TAF4: variants seen among roughly 807,000 people sequenced by gnomAD.
TAF4 encodes TATA-box binding protein associated factor 4, also known as transcription initiation factor TFIID subunit 4.
TAF4 carries 9 observed loss-of-function variants against 90.3 expected under a neutral mutation model. That is an observed-to-expected ratio of 0.10 (90% CI 0.06 to 0.17). The LOEUF is 0.17. TAF4 is among the 10% of genes least tolerant of loss of function. The pLI is 1.00. For missense variants in TAF4, 1,351 were observed against 1,370.7 expected (o/e 0.99, Z 0.23); for synonymous variants, 818 against 638.9 (o/e 1.28, Z -4.23).
intron 5 of TAF4, chr20:62,008,283 G>C (rs1411975683): frequency 6.6e-6 from 1 of 152,416 alleles, no homozygotes; most frequent in Non-Finnish European, 1.5e-5. Flanking sequence ...AGAGACTCCG[G>C]AAGACATGGT....
intron 14 of TAF4, among the ~76,000 whole-genome samples, chr20:61,985,357 T>C (rs561827418): frequency 6.6e-6 from 1 of 152,058 alleles, no homozygotes; most frequent in South Asian, 2.1e-4. Context: ...GGCAGGAGGA[T>C]TGCTGGAGTC....
intron 1 of TAF4, among the ~76,000 whole-genome samples, chr20:62,057,847 G>A (rs1465399624): frequency 1.5e-4 from 3 of 20,286 alleles, no homozygotes; most frequent in African/African-American, 6.1e-4. Context: ...CAGGAAGGAC[G>A]GACACAGGTC....
chr20:61,992,280 G>A (rs1032235565), intron 14 of TAF4, among the ~76,000 whole-genome samples: 3 of 152,158 alleles, frequency 2.0e-5, no homozygotes, highest in African/African-American at 7.2e-5. Flanking sequence ...AATACAAAAC[G>A]GGGCCAAGGG....
intron 14 of TAF4, among the ~76,000 whole-genome samples, chr20:61,991,292 A>G (rs962312335): frequency 6.6e-6 from 1 of 151,946 alleles, no homozygotes; most frequent in East Asian, 1.9e-4. Flanking sequence ...GTGGTGGTGC[A>G]CACCTGTAAT....
chr20:62,047,140 A>G (rs1293856007), intron 1 of TAF4, among the ~76,000 whole-genome samples: 1 of 152,202 alleles, frequency 6.6e-6, no homozygotes, highest in African/African-American at 2.4e-5. Context: ...CCACAGTCAT[A>G]AAGACCATCA....
chr20:61,995,801 T>C lies in TAF4; in HGVS notation c.3090+1749A>G, dbSNP rs2055659490. ...TGGCGTGAACCCGGGAAGCGGAGCT[T>C]GCAGTGAGCCGAGATTGCGCCACTG... On this transcript the variant is annotated intron_variant, in intron 14 of 14. Transcript: ENST00000252996. Among the ~76,000 whole-genome samples the C allele has an allele frequency of 1.2e-4, 2 of 16,576 alleles. 1 individual carries two copies. The highest frequency in any genetic ancestry group is 2.2e-4 in the Non-Finnish European group (2 of 9,100). 10.9% of individuals were successfully genotyped at this position (16,576 alleles called of 152,430 possible).
Position 62,064,969 on chromosome 20 carries a change from G to T in TAF4, c.842C>A (p.Ala281Asp). 2.5e-6 allele frequency: 1 copy of T among 398,736 alleles called. No individual in the cohort carries two copies. The highest frequency in any genetic ancestry group is 3.3e-6 in the Non-Finnish European group (1 of 304,376). The allele number at this position is 398,736 out of a possible 1,614,324, so 24.7% of individuals were successfully genotyped here. The change falls in exon 1 of 15, where the codon GCC becomes GAC. Residue 281 changes from alanine to aspartate, a missense_variant. Ala to Asp is a moderately radical substitution (Grantham distance 126, BLOSUM62 -2). Coordinates refer to ENST00000252996, the MANE Select transcript of TAF4 (RefSeq NM_003185.4). ...TCCGGCGGGGTGGCCGGGCGGCCGG[G>T]CCAGAGTGGCGGGCGCGGGGGGTGG... Reference protein sequence around the residue: ...PPPPPAPATLARPPGHPAGPP... With the variant: ...PPPPPAPATLDRPPGHPAGPP...
rs764367337 is a variant in TAF4, at chr20:62,014,568, G to A, written c.1500C>T (p.Pro500=). 24 of 1,613,558 alleles carry A rather than the reference G, an allele frequency of 1.5e-5. No individual in the cohort carries two copies. The highest frequency in any genetic ancestry group is 1.1e-4 in the South Asian group (10 of 91,028). Reference sequence around the variant, plus strand: ...TCACCTGTACGGTGGAGATCTGGACGGGAGGGGCACTTGTGGGGGTGGCAG... The same window carrying A: ...TCACCTGTACGGTGGAGATCTGGACAGGAGGGGCACTTGTGGGGGTGGCAG... ...PRPATPTSAP[P]VQISTVQAPG... Residue 500 remains proline (P), a synonymous_variant, in exon 2 of 15, where the codon CCC becomes CCT. Transcript: ENST00000252996.
chr20:62,062,474 G>A (rs770458367), intron 1 of TAF4, among the ~76,000 whole-genome samples: 8 of 151,992 alleles, frequency 5.3e-5, no homozygotes, highest in African/African-American at 9.7e-5. Flanking sequence ...ATCAACTGCA[G>A]GAGGCCATGA....
intron 1 of TAF4, among the ~76,000 whole-genome samples, chr20:62,038,978 G>C (rs6061403): frequency 1.3e-5 from 2 of 152,008 alleles, no homozygotes; most frequent in Non-Finnish European, 2.9e-5. Context: ...ACTTGAACCC[G>C]GGAGTCGGAG....
At chr20:62,020,166 G>C (rs1007497824) in intron 1 of TAF4, among the ~76,000 whole-genome samples, 1 of 152,200 alleles carries the variant, frequency 6.6e-6, no homozygotes, top group Admixed American at 6.5e-5. Context: ...CCGGAGCATG[G>C]CACCAGCCCC....
Position 62,064,494 on chromosome 20 carries a change from C to A in TAF4, c.1317G>T (p.Pro439=). 1 of 1,514,658 alleles carries A rather than the reference C, an allele frequency of 6.6e-7. No individual in the cohort carries two copies. Among genetic ancestry groups the A allele is most frequent in the Non-Finnish European group, 8.8e-7 (1 of 1,132,590 alleles). The allele number at this position is 1,514,658 out of a possible 1,614,324, so 93.8% of individuals were successfully genotyped here. A position where few individuals can be genotyped will look rare whatever the true frequency, so the allele number is the denominator to read the frequency against. ...TCTGGATGTTGGTCGGGTTCTGAGGCGGCTGCGGCAAGCGGGGGGCCAGCA... is the reference window on the plus strand; with the variant it reads ...TCTGGATGTTGGTCGGGTTCTGAGGAGGCTGCGGCAAGCGGGGGGCCAGCA... ...PTVLAPRLPQ[P]PQNPTNIQNF... Residue 439 remains proline (P), a synonymous_variant, in exon 1 of 15, where the codon CCG becomes CCT. Coordinates refer to ENST00000252996, the MANE Select transcript of TAF4 (RefSeq NM_003185.4).
At chr20:61,980,800 C>CA (rs2055536215) in intron 14 of TAF4, 1 of 152,434 alleles carries the variant, frequency 6.6e-6, no homozygotes, top group African/African-American at 2.4e-5. Flanking sequence ...GGCGCAGAGT[C>CA]AACACACGCC....
chr20:61,984,910 C>CAGGAGGAGGGCGAGCAAGGT lies in TAF4; in HGVS notation c.3091-8595_3091-8576dup, dbSNP rs569979576. ...TGCAGCAGGACTAGGGAGGGTGCAG[C>CAGGAGGAGGGCGAGCAAGGT]AGGAGGAGGGCGAGCAAGGTGGGAG... On this transcript the variant is annotated intron_variant, in intron 14 of 14. Coordinates refer to ENST00000252996, the MANE Select transcript of TAF4 (RefSeq NM_003185.4). Among the ~76,000 whole-genome samples the CAGGAGGAGGGCGAGCAAGGT allele has an allele frequency of 1.6e-3, 59 of 37,012 alleles. 1 individual carries two copies. The highest frequency in any genetic ancestry group is 0.012 in the Middle Eastern group (1 of 86). 24.3% of individuals were successfully genotyped at this position (37,012 alleles called of 152,430 possible). A position where few individuals can be genotyped will look rare whatever the true frequency, so the allele number is the denominator to read the frequency against.
intron 1 of TAF4, among the ~76,000 whole-genome samples, chr20:62,021,907 G>A (rs1328650378): frequency 1.3e-5 from 2 of 152,134 alleles, no homozygotes; most frequent in African/African-American, 2.4e-5. Flanking sequence ...TGCAGTGGCC[G>A]CTCTGTGAGT....
chr20:62,003,476 A>T (rs747235689), intron 8 of TAF4, among the ~76,000 whole-genome samples: 1 of 152,154 alleles, frequency 6.6e-6, no homozygotes, highest in Non-Finnish European at 1.5e-5. Flanking sequence ...CCTGTATTTC[A>T]TCAAGGTTTT....
intron 14 of TAF4, 69 bp downstream of exon 14, chr20:61,997,481 T>C (rs929382093): frequency 4.9e-6 from 7 of 1,418,972 alleles, no homozygotes; most frequent in South Asian, 1.7e-5. Flanking sequence ...GTCCGTCCCC[T>C]AGAAGAGGGT....
intron 1 of TAF4, among the ~76,000 whole-genome samples, chr20:62,033,111 C>G (rs1164411591): frequency 6.6e-6 from 1 of 152,138 alleles, no homozygotes; most frequent in African/African-American, 2.4e-5. Flanking sequence ...CTAGGAAGAG[C>G]AGGGCAGAGG....
Position 62,064,724 on chromosome 20 carries a change from C to A in TAF4, c.1087G>T (p.Ala363Ser), listed in dbSNP as rs1435302573. ...AAPPAAQTLAASGPASTAASM... is the reference protein window; with the variant it reads ...AAPPAAQTLASSGPASTAASM... ...GCCGCCGTGCTGGCCGGGCCGCTGG[C>A]CGCCAGGGTCTGCGCCGCCGGGGGC... Residue 363 changes from alanine to serine, a missense_variant, in exon 1 of 15, where the codon GCC (alanine) becomes TCC (serine). This residue lies in a region of TAF4 where 782 missense variants were observed against 536.6 expected (regional missense o/e 1.46). Transcript: ENST00000252996. The A allele has an allele frequency of 8.2e-7, 1 of 1,223,100 alleles. No individual in the cohort carries two copies. Among genetic ancestry groups the A allele is most frequent in the Non-Finnish European group, 1.0e-6 (1 of 984,248 alleles). 75.8% of individuals were successfully genotyped at this position (1,223,100 alleles called of 1,614,324 possible). A position where few individuals can be genotyped will look rare whatever the true frequency, so the allele number is the denominator to read the frequency against.
Sources: gnomAD v4.1 joint callset for allele counts (sites outside exome capture counted in the v4.1 genomes callset) on GRCh38, gnomAD v4.1.1 for gene constraint, gnomAD v4.1.1 regional missense constraint, MANE v1.5 for transcripts, NCBI Gene and HGNC (gene_info 2026-07-23, HGNC 2026-07-21) for gene names.